TANC2: variants seen among roughly 807,000 people sequenced by gnomAD.
TANC2 encodes the protein protein TANC2.
A neutral mutation model predicts 210.5 loss-of-function variants in TANC2; 26 were observed. That is an observed-to-expected ratio of 0.12 (90% CI 0.09 to 0.17). The LOEUF is 0.17. Among genes scored for constraint, TANC2 ranks in the 10% least tolerant of loss-of-function variants. The pLI, the probability that TANC2 is intolerant of heterozygous loss-of-function variation, is 1.00. For missense variants in TANC2, 2,129 were observed against 2,608.9 expected (o/e 0.82, Z 4.01); for synonymous variants, 931 against 967.1 (o/e 0.96, Z 0.69).
At chr17:63,258,104 G>C (rs2043251592) in intron 8 of TANC2, among the ~76,000 whole-genome samples, 1 of 152,120 alleles carries the variant, frequency 6.6e-6, no homozygotes, top group Non-Finnish European at 1.5e-5. Flanking sequence ...CTTCATGTTT[G>C]AAGGATGTTT....
intron 1 of TANC2, among the ~76,000 whole-genome samples, chr17:62,969,760 C>A (rs1487743540): frequency 6.6e-6 from 1 of 151,920 alleles, no homozygotes; most frequent in Non-Finnish European, 1.5e-5. Flanking sequence ...TTAAGAGCAC[C>A]AGTAAACCTT....
chr17:63,095,206 T>G (rs1194748369), intron 3 of TANC2, among the ~76,000 whole-genome samples: 1 of 152,068 alleles, frequency 6.6e-6, no homozygotes, highest in Non-Finnish European at 1.5e-5. Flanking sequence ...GACAGGGTCT[T>G]ACTCTGTTGC....
intron 5 of TANC2, among the ~76,000 whole-genome samples, chr17:63,162,116 G>A (rs1267724264): frequency 6.6e-6 from 1 of 152,126 alleles, no homozygotes; most frequent in African/African-American, 2.4e-5. Flanking sequence ...ACCAGTGTGG[G>A]CAATATAGCA....
rs563943685 is a variant in TANC2 at position 63,269,760 on chromosome 17, A to G, written c.1159+1887A>G. Among the ~76,000 whole-genome samples, 7 of 152,260 alleles carry G rather than the reference A, an allele frequency of 4.6e-5. No homozygotes were observed. In the South Asian group the frequency reaches 1.5e-3, roughly 32 times the overall value. ...GGTGAGCTTGATGTTTACAAATACC[A>G]GTTTTATCTGGAATGCAACAAAGAT... On this transcript the variant is annotated intron_variant, in intron 9 of 27. Coordinates refer to ENST00000689528, the Ensembl canonical transcript of TANC2.
intron 4 of TANC2, among the ~76,000 whole-genome samples, chr17:63,141,820 CTTAT>C (rs2039302397): frequency 6.6e-6 from 1 of 152,034 alleles, no homozygotes; most frequent in Admixed American, 6.6e-5. Flanking sequence ...ACATTTAATT[CTTAT>C]TTGAGTGCCA....
chr17:63,151,359 G>A, exon 5 of TANC2: 1 of 985,796 alleles, frequency 1.0e-6, no homozygotes, highest in Non-Finnish European at 1.2e-6. Context: ...TCAGAAACTG[G>A]ACGTGGATGC....
At chr17:63,422,100 T>C in exon 28 of TANC2, 1 of 1,090,238 alleles carries the variant, frequency 9.2e-7, no homozygotes, top group Non-Finnish European at 1.3e-6. Flanking sequence ...CTGAAATCCT[T>C]TGCATGCAGC....
At chr17:63,394,828 A>G (rs1042583082) in intron 17 of TANC2, among the ~76,000 whole-genome samples, 6 of 152,284 alleles carry the variant, frequency 3.9e-5, no homozygotes, top group South Asian at 2.1e-4. Flanking sequence ...CATTGGTCAC[A>G]TCTCCCCTAC....
intron 7 of TANC2, among the ~76,000 whole-genome samples, chr17:63,208,916 A>G (rs1157125588): frequency 1.3e-5 from 2 of 152,164 alleles, no homozygotes; most frequent in South Asian, 4.2e-4. Flanking sequence ...TACATATACA[A>G]CCATATTGTT....
intron 6 of TANC2, among the ~76,000 whole-genome samples, chr17:63,200,464 G>A (rs914667815): frequency 1.3e-5 from 2 of 151,842 alleles, no homozygotes; most frequent in African/African-American, 4.8e-5. Context: ...GCAATAGCAG[G>A]GAGAACTTGT....
intron 2 of TANC2, among the ~76,000 whole-genome samples, chr17:63,055,077 A>G (rs1334026400): frequency 6.6e-6 from 1 of 152,240 alleles, no homozygotes; most frequent in African/African-American, 2.4e-5. Context: ...ATTGAGAGGA[A>G]TAGTCACCCA....
chr17:62,985,194 A>G (rs746460495), intron 1 of TANC2, among the ~76,000 whole-genome samples: 12 of 151,192 alleles, frequency 7.9e-5, no homozygotes, highest in Non-Finnish European at 1.2e-4. Flanking sequence ...TAATTTCAAT[A>G]TATCATCTCA....
chr17:63,283,690 A>G (rs1161511072), intron 9 of TANC2, among the ~76,000 whole-genome samples: 1 of 151,990 alleles, frequency 6.6e-6, no homozygotes, highest in Admixed American at 6.6e-5. Context: ...CTTTCAATGT[A>G]TAAATGTTGA....
chr17:63,320,410 T>G (rs1252565443), intron 11 of TANC2: 1 of 152,164 alleles, frequency 6.6e-6, no homozygotes, highest in Non-Finnish European at 1.5e-5. Flanking sequence ...TTCCTGTCCC[T>G]CCTCTTTTGT....
exon 15 of TANC2, chr17:63,379,724 T>G: frequency 6.2e-7 from 1 of 1,608,474 alleles, no homozygotes; most frequent in Non-Finnish European, 8.5e-7. Context: ...GCAGGAGTGG[T>G]CACACGTTAC....
intron 17 of TANC2, among the ~76,000 whole-genome samples, chr17:63,392,996 C>A (rs2048029759): frequency 6.6e-6 from 1 of 152,124 alleles, no homozygotes; most frequent in African/African-American, 2.4e-5. Context: ...AATCTACAGA[C>A]CTTACTGAAA....
intron 2 of TANC2, among the ~76,000 whole-genome samples, chr17:63,018,927 A>G (rs1280491810): frequency 2.0e-5 from 3 of 152,224 alleles, no homozygotes; most frequent in Admixed American, 6.5e-5. Context: ...TGGTTATACC[A>G]CTGTTTAACC....
At chr17:63,411,709 CAA>C (rs750288771) in intron 22 of TANC2, 23 bp downstream of exon 22, 2 of 1,593,584 alleles carry the variant, frequency 1.3e-6, no homozygotes, top group African/African-American at 1.3e-5. Flanking sequence ...AAACAAGCCT[CAA>C]GAGAGCAGAG....
intron 2 of TANC2, among the ~76,000 whole-genome samples, chr17:63,019,687 C>T (rs1465689534): frequency 6.6e-6 from 1 of 152,132 alleles, no homozygotes; most frequent in South Asian, 2.1e-4. Flanking sequence ...GAATAACATA[C>T]ATTGTACTCA....
Sources: allele counts gnomAD v4.1 joint callset (sites outside exome capture counted in the v4.1 genomes callset), GRCh38; gene constraint gnomAD v4.1.1; transcripts MANE v1.5; gene names NCBI Gene and HGNC (gene_info 2026-07-23, HGNC 2026-07-21).